CCSER1: variants seen among roughly 807,000 people sequenced by gnomAD.
The protein encoded by CCSER1 is coiled-coil serine rich protein 1, also known as serine-rich coiled-coil domain-containing protein 1.
In CCSER1, 41 loss-of-function variants were observed where a neutral mutation model predicts 82.0. That is an observed-to-expected ratio of 0.50 (90% confidence interval 0.39 to 0.65). CCSER1 has a LOEUF of 0.65. Ranked by LOEUF, CCSER1 falls within the 30% of genes least tolerant of loss-of-function variation. The probability of loss-of-function intolerance (pLI) is 0.00; values close to 1 mark genes in which losing one functional copy is unlikely to be tolerated. For missense variants in CCSER1, 1,119 were observed against 1,064.2 expected, an observed-to-expected ratio of 1.05 and a Z score of -0.72; for synonymous variants, 414 against 383.9, an observed-to-expected ratio of 1.08 and a Z score of -0.92.
chr4:90,226,765 A>G (rs1743241306), intron 1 of CCSER1, among the ~76,000 whole-genome samples: 1 of 152,320 alleles, frequency 6.6e-6, no homozygotes, highest in Non-Finnish European at 1.5e-5. Flanking sequence ...TTCTTCAGCT[A>G]TGAGGAATAC....
chr4:91,075,467 T>A (rs1721882986), intron 9 of CCSER1, among the ~76,000 whole-genome samples: 1 of 152,140 alleles, frequency 6.6e-6, no homozygotes, highest in Admixed American at 6.5e-5. Context: ...TTATATATGG[T>A]TGAAGAATAA....
At chr4:90,972,266 A>G (rs1735181856) in intron 9 of CCSER1, among the ~76,000 whole-genome samples, 1 of 151,856 alleles carries the variant, frequency 6.6e-6, no homozygotes, top group Non-Finnish European at 1.5e-5. Context: ...ATTAGAACTA[A>G]TAAATAAATT....
At chr4:90,816,782 A>G (rs1247150345) in intron 8 of CCSER1, among the ~76,000 whole-genome samples, 13 of 152,142 alleles carry the variant, frequency 8.5e-5, no homozygotes, top group Non-Finnish European at 7.4e-5. Flanking sequence ...CTAAATTACA[A>G]AACAGACTTT....
At chr4:91,456,859 A>T (rs1311726738) in intron 10 of CCSER1, among the ~76,000 whole-genome samples, 6 of 152,144 alleles carry the variant, frequency 3.9e-5, no homozygotes, top group Non-Finnish European at 7.4e-5. Context: ...AATCTGGATA[A>T]ATTAAATTTT....
chr4:90,799,483 C>T (rs912033343), intron 7 of CCSER1, among the ~76,000 whole-genome samples: 4 of 152,088 alleles, frequency 2.6e-5, no homozygotes, highest in South Asian at 2.1e-4. Context: ...CCGTAGGCGT[C>T]GTGCCACTGG....
At chr4:90,866,934 A>C (rs1219996970) in intron 8 of CCSER1, among the ~76,000 whole-genome samples, 1 of 152,012 alleles carries the variant, frequency 6.6e-6, no homozygotes, top group Non-Finnish European at 1.5e-5. Flanking sequence ...ATTTGACAGG[A>C]AGCAGAGCTC....
intron 10 of CCSER1, among the ~76,000 whole-genome samples, chr4:91,485,311 C>T (rs893039714): frequency 5.3e-5 from 8 of 151,988 alleles, no homozygotes; most frequent in Non-Finnish European, 8.8e-5. Flanking sequence ...ACTCAAATGT[C>T]GGGGAAAATA....
chr4:90,190,052 G>T (rs919876513), intron 1 of CCSER1, among the ~76,000 whole-genome samples: 1 of 151,962 alleles, frequency 6.6e-6, no homozygotes, highest in Non-Finnish European at 1.5e-5. Flanking sequence ...TCTGATAGCG[G>T]CATGAGACTG....
intron 10 of CCSER1, among the ~76,000 whole-genome samples, chr4:91,265,202 A>C (rs544803629): frequency 3.9e-5 from 6 of 152,142 alleles, no homozygotes; most frequent in African/African-American, 1.4e-4. Context: ...CAGTATTTGA[A>C]ATCATTCTTT....
intron 1 of CCSER1, among the ~76,000 whole-genome samples, chr4:90,295,141 T>C (rs2153470043): frequency 6.6e-6 from 1 of 152,090 alleles, no homozygotes; most frequent in East Asian, 1.9e-4. Flanking sequence ...ATATTTTCAC[T>C]ACAATAAGCC....
intron 9 of CCSER1, among the ~76,000 whole-genome samples, chr4:90,984,141 A>T (rs1015200629): frequency 6.6e-6 from 1 of 151,770 alleles, no homozygotes; most frequent in African/African-American, 2.4e-5. Flanking sequence ...GACAAGAATG[A>T]CTGTTGGTAG....
At chr4:90,944,628 C>T (rs1732014108) in intron 9 of CCSER1, among the ~76,000 whole-genome samples, 1 of 152,166 alleles carries the variant, frequency 6.6e-6, no homozygotes. Context: ...TATATCCCAA[C>T]ATTGTGGCAT....
Position 90,953,123 on chromosome 4 carries a change from C to A in CCSER1, c.2172+29676C>A, listed in dbSNP as rs575267048. 5.3e-5 allele frequency among the ~76,000 whole-genome samples: 8 copies of A among 151,960 alleles called. No individual in the cohort carries two copies. In the South Asian group the frequency reaches 1.7e-3, roughly 32 times the overall value. ...TTCAGTGAAATATGAGTTTTGACAT[C>A]CATGTGTTATGTTCATATGCAATTT... On this transcript the variant is annotated intron_variant, in intron 9 of 10. Transcript: ENST00000509176.
chr4:91,365,773 G>A (rs965876397), intron 10 of CCSER1, among the ~76,000 whole-genome samples: 1 of 152,116 alleles, frequency 6.6e-6, no homozygotes, highest in Non-Finnish European at 1.5e-5. Flanking sequence ...AGGGAGATCT[G>A]CATGAACCTA....
At chr4:90,920,119 C>A (rs1308995797) in intron 8 of CCSER1, among the ~76,000 whole-genome samples, 1 of 151,852 alleles carries the variant, frequency 6.6e-6, no homozygotes, top group African/African-American at 2.4e-5. Flanking sequence ...AGAAGGCCAC[C>A]TTAAATCACA....
At chr4:91,398,831 A>G (rs1560640008) in intron 10 of CCSER1, among the ~76,000 whole-genome samples, 2 of 151,906 alleles carry the variant, frequency 1.3e-5, no homozygotes, top group African/African-American at 4.8e-5. Context: ...CCTTAAGGAC[A>G]GAAGAGCTTA....
chr4:90,830,862 TAATG>T (rs1191999381), intron 8 of CCSER1, among the ~76,000 whole-genome samples: 1 of 152,174 alleles, frequency 6.6e-6, no homozygotes, highest in Non-Finnish European at 1.5e-5. Context: ...TGTATTTTAA[TAATG>T]AATGCTGAGG....
intron 5 of CCSER1, among the ~76,000 whole-genome samples, chr4:90,546,029 T>G (rs1776708255): frequency 6.6e-6 from 1 of 152,134 alleles, no homozygotes; most frequent in Admixed American, 6.5e-5. Flanking sequence ...AGTTTGTCCC[T>G]TATGGCATCA....
At position 90,477,178 on chromosome 4, in the gene CCSER1, G is replaced by C. The variant is rs149604667; in HGVS notation, c.1724+8824G>C. Among the ~76,000 whole-genome samples the C allele has an allele frequency of 1.2e-3, 184 of 152,264 alleles. 1 individual carries two copies. The highest frequency in any genetic ancestry group is 4.3e-3 in the African/African-American group (177 of 41,554). On this transcript the variant is annotated intron_variant, in intron 5 of 10. Transcript: ENST00000509176. ...TTTAGGTTTTAGTATAAGTCTTCTA[G>C]TAATACTATAAATAAATGCTATATA...
Sources: allele counts gnomAD v4.1 joint callset (sites outside exome capture counted in the v4.1 genomes callset), GRCh38; gene constraint gnomAD v4.1.1; transcripts MANE v1.5; gene names NCBI Gene and HGNC (gene_info 2026-07-23, HGNC 2026-07-21).